The following CTPS2 variants were observed in gnomAD, a reference collection of about 807,000 sequenced individuals.
CTPS2 encodes CTP synthase II.
In CTPS2, 19 loss-of-function variants were observed where a neutral mutation model predicts 46.8. That is an observed-to-expected ratio of 0.41 (90% CI 0.28 to 0.60). The LOEUF is 0.60. Among genes scored for constraint, CTPS2 ranks in the 20% least tolerant of loss-of-function variants. CTPS2 has a pLI of 0.35. For missense variants in CTPS2, 286 were observed against 447.6 expected (o/e 0.64, Z 3.26); for synonymous variants, 151 against 165.2 (o/e 0.91, Z 0.66).
chrX:16,655,864 T>C (rs1273926390), intron 13 of CTPS2, among the ~76,000 whole-genome samples: 2 of 110,084 alleles, frequency 1.8e-5, no homozygotes, highest in African/African-American at 3.3e-5. Context: ...GGCACGATCT[T>C]GGCTCACTGC....
chrX:16,674,682 CA>C (rs767364668), intron 10 of CTPS2, among the ~76,000 whole-genome samples: 1 of 104,918 alleles, frequency 9.5e-6, no homozygotes, highest in East Asian at 3.2e-4. Flanking sequence ...ACTAAAAATA[CA>C]AAAAATTAGC....
chrX:16,709,297 G>A (rs936973278), intron 1 of CTPS2, among the ~76,000 whole-genome samples: 4 of 107,279 alleles, frequency 3.7e-5, no homozygotes, highest in Non-Finnish European at 5.8e-5. Context: ...GTGTGGTGGC[G>A]TGCACCTGTA....
intron 13 of CTPS2, among the ~76,000 whole-genome samples, chrX:16,652,482 G>A (rs943046430): frequency 3.6e-5 from 4 of 111,962 alleles, no homozygotes; most frequent in African/African-American, 1.3e-4. Context: ...AGAAGAACTT[G>A]TAAAAACACT....
rs191124058 is a variant in CTPS2, at chrX:16,591,542, G to A, written c.1692-680C>T. 5.0e-3 allele frequency among the ~76,000 whole-genome samples: 551 copies of A among 111,308 alleles called. 2 individuals are homozygous for A. The highest frequency in any genetic ancestry group is 7.1e-3 in the Non-Finnish European group (376 of 53,066). On this transcript the variant is annotated intron_variant, in intron 17 of 18. Coordinates refer to ENST00000359276, the MANE Select transcript of CTPS2 (RefSeq NM_175859.3). ...AAAATATGGCATCTTGGCATATTGC[G>A]TATGGCTCATAAGCCTAACATATTT...
intron 10 of CTPS2, among the ~76,000 whole-genome samples, chrX:16,672,738 T>C (rs1281460966): frequency 9.0e-6 from 1 of 111,147 alleles, no homozygotes; most frequent in Non-Finnish European, 1.9e-5. Context: ...AAGCCTAGCA[T>C]ACCGACAAAA....
chrX:16,631,783 C>T (rs1003478341), intron 14 of CTPS2, among the ~76,000 whole-genome samples: 1 of 111,713 alleles, frequency 9.0e-6, no homozygotes, highest in African/African-American at 3.3e-5. Flanking sequence ...AGTTGTTGGC[C>T]ATCCCTGAAT....
chrX:16,590,953 C>A, intron 17 of CTPS2, 91 bp from the exon 18 acceptor site: 2 of 599,765 alleles, frequency 3.3e-6, no homozygotes, highest in South Asian at 2.8e-5. Context: ...TCCATATTAA[C>A]CCCTTAGTAT....
chrX:16,627,436 C>G (rs1218478215), intron 14 of CTPS2, among the ~76,000 whole-genome samples: 1 of 112,110 alleles, frequency 8.9e-6, no homozygotes, highest in African/African-American at 3.2e-5. Flanking sequence ...GGAGATTTTA[C>G]ATAAAACTCC....
intron 13 of CTPS2, among the ~76,000 whole-genome samples, chrX:16,649,047 G>A (rs1319877646): frequency 1.8e-5 from 2 of 112,226 alleles, no homozygotes; most frequent in Non-Finnish European, 3.8e-5. Flanking sequence ...TTAGATCAAT[G>A]TCCCTTGGAA....
chrX:16,599,719 G>A (rs770859023), intron 17 of CTPS2, among the ~76,000 whole-genome samples: 2 of 108,568 alleles, frequency 1.8e-5, no homozygotes, highest in South Asian at 4.0e-4. Flanking sequence ...CAGGTGATCC[G>A]CCCACCTCGG....
intron 8 of CTPS2, among the ~76,000 whole-genome samples, chrX:16,683,591 A>G (rs374627340): frequency 1.8e-5 from 2 of 111,976 alleles, no homozygotes; most frequent in East Asian, 2.8e-4. Context: ...ACAGTGAGAC[A>G]CTGTCTCATA....
At position 16,709,848 on chromosome X, in the gene CTPS2, CAAAAAAAAAAAAA is replaced by C. The variant is rs35017705; in HGVS notation, c.-40+2474_-40+2486del. 7.9e-3 allele frequency among the ~76,000 whole-genome samples: 188 copies of C among 23,756 alleles called. 1 individual carries two copies. Among genetic ancestry groups the C allele is most frequent in the African/African-American group, 0.031 (171 of 5,553 alleles). 20.6% of individuals were successfully genotyped at this position (23,756 alleles called of 115,157 possible). ...TGGTGACAGAGTGAGACTCTGTCTC[CAAAAAAAAAAAAA>C]AAAAAAAAAAAACAGATTTCTATCT... On this transcript the variant is annotated intron_variant, in intron 1 of 18. Coordinates refer to ENST00000359276, the MANE Select transcript of CTPS2 (RefSeq NM_175859.3).
At chrX:16,631,576 C>T (rs1602164735) in intron 14 of CTPS2, among the ~76,000 whole-genome samples, 1 of 111,847 alleles carries the variant, frequency 8.9e-6, no homozygotes, top group South Asian at 3.8e-4. Flanking sequence ...AATTCACACA[C>T]ACCAGATTGT....
chrX:16,663,764 T>C (rs1032801618), intron 13 of CTPS2, among the ~76,000 whole-genome samples: 3 of 111,032 alleles, frequency 2.7e-5, no homozygotes, highest in African/African-American at 9.8e-5. Context: ...CGAAGTGAGG[T>C]GGGGGCAAAG....
chrX:16,619,797 G>A (rs1293816352), intron 15 of CTPS2, among the ~76,000 whole-genome samples: 6 of 111,469 alleles, frequency 5.4e-5, no homozygotes, highest in Non-Finnish European at 1.1e-4. Context: ...GTCATGTGAC[G>A]CTAAGCCTCA....
chrX:16,699,348 C>A (rs1371638085), intron 2 of CTPS2, among the ~76,000 whole-genome samples: 1 of 111,299 alleles, frequency 9.0e-6, no homozygotes, highest in Non-Finnish European at 1.9e-5. Context: ...CTTTTCCAAA[C>A]TCAACATATG....
chrX:16,603,438 A>G (rs190460282), intron 17 of CTPS2, among the ~76,000 whole-genome samples: 1 of 98,313 alleles, frequency 1.0e-5, no homozygotes, highest in Admixed American at 1.1e-4. Context: ...TAAATAAATA[A>G]ATAAATAAAT....
At chrX:16,670,234 T>C (rs1027662834) in intron 11 of CTPS2, among the ~76,000 whole-genome samples, 4 of 111,841 alleles carry the variant, frequency 3.6e-5, no homozygotes, top group African/African-American at 1.3e-4. Context: ...TCTCCTAGGA[T>C]GAGAAACGTT....
chrX:16,666,872 T>C (rs1921230986), intron 13 of CTPS2, among the ~76,000 whole-genome samples: 1 of 110,092 alleles, frequency 9.1e-6, no homozygotes, highest in Admixed American at 9.7e-5. Context: ...GTGTGGAAAA[T>C]AGGCAGACTG....
Sources: gnomAD v4.1 joint callset for allele counts (sites outside exome capture counted in the v4.1 genomes callset) on GRCh38, gnomAD v4.1.1 for gene constraint, MANE v1.5 for transcripts, NCBI Gene and HGNC (gene_info 2026-07-23, HGNC 2026-07-21) for gene names.